Variants in DRC7 observed in about 807,000 individuals in gnomAD.
DRC7 encodes the protein coiled-coil domain containing 135.
DRC7 carries 80 observed loss-of-function variants against 104.4 expected under a neutral mutation model. The observed-to-expected ratio is 0.77, with a 90% confidence interval of 0.64 to 0.92. The LOEUF (loss-of-function observed/expected upper bound fraction) is 0.92. DRC7 is among the 40% of genes least tolerant of loss of function. The pLI, the probability that DRC7 is intolerant of heterozygous loss-of-function variation, is 0.00. For synonymous variants in DRC7, 405 were observed against 447.3 expected, an observed-to-expected ratio of 0.91 and a Z score of 1.19; for missense variants, 1,034 against 1,141.1, an observed-to-expected ratio of 0.91 and a Z score of 1.35.
intron 15 of DRC7, 60 bp downstream of exon 15, chr16:57,727,002 C>G (rs2048976657): frequency 2.8e-6 from 3 of 1,063,720 alleles, no homozygotes; most frequent in South Asian, 1.3e-5. Context: ...GATAGGGTCT[C>G]GCTCTATAAC....
In DRC7 at chr16:57,724,766, T is replaced by C; in HGVS notation, c.1689T>C (p.His563=). Residue 563 remains histidine (H), a synonymous_variant, in exon 13 of 19, where the codon CAT becomes CAC. Transcript: ENST00000360716. ...GCCCAGACTTCCTCTCCTACCGCCA[T>C]GCCAGCTTCGGACCCCGAGTCAAGA... is the stretch of plus-strand genomic sequence containing the variant. ...QGRPDFLSYR[H]ASFGPRVKKL... The C allele has an allele frequency of 1.2e-6, 2 of 1,613,856 alleles. No homozygotes were observed. The highest frequency in any genetic ancestry group is 1.3e-5 in the African/African-American group (1 of 75,044).
chr16:57,730,055 TGGATGGATGGA>T (rs1370028109), intron 17 of DRC7, among the ~76,000 whole-genome samples: 3 of 105,044 alleles, frequency 2.9e-5, no homozygotes, highest in African/African-American at 1.1e-4. Flanking sequence ...GACGGATGGA[TGGATGGATGGA>T]TGATGGATGG....
In DRC7 at chr16:57,730,963, G is replaced by A; in HGVS notation, c.2424G>A (p.Trp808Ter). The A allele has an allele frequency of 1.2e-6, 2 of 1,613,490 alleles. No homozygotes were observed. The highest frequency in any genetic ancestry group is 1.7e-6 in the Non-Finnish European group (2 of 1,179,934). ...ETQELQKKQQWYQENQVTLTP... is the reference protein window; with the variant it reads ...ETQELQKKQQ ...AGGAGCTGCAAAAGAAGCAGCAGTG[G>A]TACCAGGAGAACCAGGTGACGCTGA... The change falls in exon 18 of 19, where the codon TGG (tryptophan) becomes TGA (stop). Residue 808 changes from tryptophan (W) to a stop codon, truncating the protein, a stop_gained. Coordinates refer to ENST00000360716, the MANE Select transcript of DRC7 (RefSeq NM_001289162.2). LOFTEE classifies it high-confidence loss of function.
rs544872735 is a variant in DRC7 at position 57,730,833 on chromosome 16, G to A, written c.2392-98G>A. The A allele has an allele frequency of 9.1e-5, 123 of 1,352,188 alleles. No homozygotes were observed. In the East Asian group the frequency reaches 1.2e-3, roughly 13 times the overall value. The allele number at this position is 1,352,188 out of a possible 1,614,324, so 83.8% of individuals were successfully genotyped here. A position where few individuals can be genotyped will look rare whatever the true frequency, so the allele number is the denominator to read the frequency against. On this transcript the variant is annotated intron_variant, in intron 17 of 18. Coordinates refer to ENST00000360716, the MANE Select transcript of DRC7 (RefSeq NM_001289162.2). ...GTGAGTGGGGACACTGGGGCCAACC[G>A]TCATGGTGCTGTCTAGTGACCCATG...
At chr16:57,705,339 A>G (rs1471226996) in intron 7 of DRC7, among the ~76,000 whole-genome samples, 12 of 151,534 alleles carry the variant, frequency 7.9e-5, no homozygotes. Flanking sequence ...ACACCCTCCC[A>G]TCCATTCATC....
intron 6 of DRC7, among the ~76,000 whole-genome samples, chr16:57,702,548 C>T (rs752008672): frequency 6.6e-6 from 1 of 152,186 alleles, no homozygotes; most frequent in Non-Finnish European, 1.5e-5. Context: ...CCTGTAATCC[C>T]AGCACTTTGG....
rs574960718 is a variant in DRC7 at position 57,716,545 on chromosome 16, A to T, written c.1078-1802A>T. On this transcript the variant is annotated intron_variant, in intron 8 of 18. Transcript: ENST00000360716. ...GTGAAAAAAGGCAAATATCTATACA[A>T]TTGGGTTCCTATCCACTAAGCCCAT... 2.0e-5 allele frequency among the ~76,000 whole-genome samples: 3 copies of T among 151,616 alleles called. No individual in the cohort carries two copies. In the East Asian group the frequency reaches 5.8e-4, roughly 29 times the overall value.
At chr16:57,706,851 CCCAT>C (rs1276157213) in intron 7 of DRC7, among the ~76,000 whole-genome samples, 5 of 151,110 alleles carry the variant, frequency 3.3e-5, no homozygotes, top group Admixed American at 1.3e-4. Flanking sequence ...CACCCATCCT[CCCAT>C]CCATCCATCC....
At position 57,724,765 on chromosome 16, in the gene DRC7, A is replaced by G; in HGVS notation, c.1688A>G (p.His563Arg). 2 of 1,613,820 alleles carry G rather than the reference A, an allele frequency of 1.2e-6. No homozygotes were observed. Among genetic ancestry groups the G allele is most frequent in the Non-Finnish European group, 1.7e-6 (2 of 1,180,020 alleles). The part of the protein sequence containing the change: ...QGRPDFLSYR[H>R]ASFGPRVKKL... ...CGCCCAGACTTCCTCTCCTACCGCC[A>G]TGCCAGCTTCGGACCCCGAGTCAAG... The change falls in exon 13 of 19, where the codon CAT (histidine) becomes CGT (arginine). Residue 563 changes from histidine to arginine, a missense_variant. Transcript: ENST00000360716.
At chr16:57,723,989 G>A (rs2048935495) in intron 12 of DRC7, among the ~76,000 whole-genome samples, 1 of 152,090 alleles carries the variant, frequency 6.6e-6, no homozygotes. Flanking sequence ...GAACTTTTCT[G>A]GAGGACAGTT....
chr16:57,724,868 C>T, intron 13 of DRC7, 33 bp downstream of exon 13: 1 of 1,556,944 alleles, frequency 6.4e-7, no homozygotes, highest in Non-Finnish European at 8.8e-7. Context: ...GACAGGTCGC[C>T]CTCCTTCTCT....
intron 6 of DRC7, among the ~76,000 whole-genome samples, chr16:57,703,573 G>A (rs1216291176): frequency 3.9e-5 from 6 of 152,182 alleles, no homozygotes; most frequent in Non-Finnish European, 5.9e-5. Context: ...GGAGAAGGGC[G>A]AGACAGAAGG....
chr16:57,728,611 G>T (rs755018997), intron 17 of DRC7, 27 bp downstream of exon 17: 6 of 1,531,412 alleles, frequency 3.9e-6, no homozygotes, highest in South Asian at 1.2e-5. Flanking sequence ...TGTTGGGGAG[G>T]GGGGGATCTC....
chr16:57,729,780 G>T (rs1322837729), intron 17 of DRC7, among the ~76,000 whole-genome samples: 1 of 141,806 alleles, frequency 7.1e-6, no homozygotes, highest in Admixed American at 6.9e-5. Flanking sequence ...GTGGGTGGGT[G>T]GGTGGATGGG....
intron 8 of DRC7, among the ~76,000 whole-genome samples, chr16:57,710,225 G>A (rs2048778860): frequency 6.6e-6 from 1 of 152,164 alleles, no homozygotes; most frequent in South Asian, 2.1e-4. Flanking sequence ...AGGTTTCAGT[G>A]TACAGTTCTT....
chr16:57,714,619 G>GTCTCTC (rs1171630022), intron 8 of DRC7: 2 of 171,412 alleles, frequency 1.2e-5, no homozygotes, highest in African/African-American at 4.9e-5. Context: ...GAGAGAGAGA[G>GTCTCTC]TCTCTCTCTC....
In DRC7 at chr16:57,726,223, C is replaced by A; in HGVS notation, c.1914C>A (p.Thr638=). The A allele has an allele frequency of 6.2e-7, 1 of 1,613,084 alleles. No homozygotes were observed. Among genetic ancestry groups the A allele is most frequent in the Non-Finnish European group, 8.5e-7 (1 of 1,179,938 alleles). ...CCAAGCGCGAGTTCCTGCGGCGCAC[C>A]GAGGTGGACAGCAAAGGCAACAAGA... is the stretch of plus-strand genomic sequence containing the variant. ...TASKREFLRR[T]EVDSKGNKII... is the part of the protein sequence containing the mutation. Residue 638 remains threonine, a synonymous_variant, in exon 14 of 19, where the codon ACC becomes ACA. Transcript: ENST00000360716.
intron 17 of DRC7, among the ~76,000 whole-genome samples, chr16:57,730,365 A>G (rs999064920): frequency 4.7e-5 from 7 of 150,246 alleles, no homozygotes; most frequent in Non-Finnish European, 1.0e-4. Flanking sequence ...GGGCGAGTGG[A>G]TAGATGGACG....
In DRC7 at chr16:57,726,148, G is replaced by A. The variant is rs767471171; in HGVS notation, c.1839G>A (p.Glu613=). ...CAGAGCGCGTGTTTCTGGTCGCGGAGGAGCGCATCCAGCTGCGCTACCACT... is the reference window on the plus strand; with the variant it reads ...CAGAGCGCGTGTTTCTGGTCGCGGAAGAGCGCATCCAGCTGCGCTACCACT... ...DVAERVFLVA[E]ERIQLRYHCR... is the part of the protein sequence containing the mutation. Residue 613 remains glutamate (E), a synonymous_variant, in exon 14 of 19, where the codon GAG becomes GAA. Transcript: ENST00000360716. 1.2e-6 allele frequency: 2 copies of A among 1,613,178 alleles called. No individual in the cohort carries two copies. The highest frequency in any genetic ancestry group is 1.7e-6 in the Non-Finnish European group (2 of 1,180,028).
Sources: gnomAD v4.1 joint callset for allele counts (sites outside exome capture counted in the v4.1 genomes callset) on GRCh38, gnomAD v4.1.1 for gene constraint, MANE v1.5 for transcripts, NCBI Gene and HGNC (gene_info 2026-07-23, HGNC 2026-07-21) for gene names.